LMLN: variants seen among roughly 807,000 people sequenced by gnomAD.
LMLN encodes the protein leishmanolysin like peptidase, also known as leishmanolysin-like peptidase.
LMLN carries 70 observed loss-of-function variants against 92.3 expected under a neutral mutation model. The observed-to-expected ratio is 0.76, with a 90% confidence interval of 0.63 to 0.92. LMLN has a LOEUF of 0.92. Ranked by LOEUF, LMLN falls within the 40% of genes least tolerant of loss-of-function variation. LMLN has a pLI of 0.00. For synonymous variants in LMLN, 308 were observed against 296.2 expected (o/e 1.04, Z -0.41); for missense variants, 691 against 814.6 (o/e 0.85, Z 1.85).
chr3:197,961,781 TGGG>T (rs1381322126), intron 1 of LMLN, among the ~76,000 whole-genome samples: 1 of 152,166 alleles, frequency 6.6e-6, no homozygotes, highest in Non-Finnish European at 1.5e-5. Flanking sequence ...TTGGTGGTGT[TGGG>T]GAGCTACAAA....
At chr3:198,000,423 TA>T (rs1406896354) in intron 11 of LMLN, among the ~76,000 whole-genome samples, 7 of 152,292 alleles carry the variant, frequency 4.6e-5, no homozygotes, top group African/African-American at 1.7e-4. Context: ...TTTAAACATA[TA>T]GAGGTTATTC....
chr3:197,960,217 A>G (rs781195872), exon 1 of LMLN: 1 of 1,597,018 alleles, frequency 6.3e-7, no homozygotes, highest in Non-Finnish European at 8.6e-7. Context: ...GGCGTCACGC[A>G]CTCCATGGTA....
chr3:198,002,948 A>C (rs567057763), intron 11 of LMLN, 67 bp from the exon 12 acceptor site: 1 of 866,368 alleles, frequency 1.2e-6, no homozygotes, highest in East Asian at 2.7e-5. Flanking sequence ...GAGATTCTCA[A>C]TTGTTATGCT....
At chr3:198,020,567 G>T (rs1722748775) in intron 12 of LMLN, among the ~76,000 whole-genome samples, 2 of 151,954 alleles carry the variant, frequency 1.3e-5, no homozygotes, top group Non-Finnish European at 2.9e-5. Context: ...GCATCCAGGG[G>T]TGTGAAAACA....
intron 1 of LMLN, among the ~76,000 whole-genome samples, chr3:197,967,986 T>G (rs1721106649): frequency 6.6e-6 from 1 of 152,238 alleles, no homozygotes; most frequent in African/African-American, 2.4e-5. Flanking sequence ...TGTCTTCCCT[T>G]GTTCCCTAAA....
At chr3:198,008,114 G>A (rs1308712279) in intron 11 of LMLN, among the ~76,000 whole-genome samples, 1 of 152,056 alleles carries the variant, frequency 6.6e-6, no homozygotes, top group Non-Finnish European at 1.5e-5. Context: ...ATTTCTGTAT[G>A]TTGCTGAATT....
At chr3:198,015,153 C>T (rs1722592372) in intron 11 of LMLN, among the ~76,000 whole-genome samples, 1 of 144,190 alleles carries the variant, frequency 6.9e-6, no homozygotes, top group Non-Finnish European at 1.5e-5. Context: ...CCTAACTAGT[C>T]TGACTTCTCT....
exon 13 of LMLN, chr3:198,021,545 T>G (rs771356686): frequency 2.5e-6 from 4 of 1,614,040 alleles, no homozygotes. Flanking sequence ...GGAATTCAGT[T>G]GGCATTTAAG....
intron 15 of LMLN, 120 bp from the exon 17 acceptor site, chr3:198,038,447 C>T (rs1723295883): frequency 2.8e-6 from 2 of 721,166 alleles, no homozygotes; most frequent in Admixed American, 4.7e-5. Context: ...CTTGATTTAG[C>T]TCTCAAGGTG....
At position 197,999,340 on chromosome 3, in the gene LMLN, TGG is replaced by T; in HGVS notation, c.1232_1232+1del. 1.9e-6 allele frequency: 3 copies of T among 1,597,350 alleles called. No homozygotes were observed. The highest frequency in any genetic ancestry group is 2.6e-6 in the Non-Finnish European group (3 of 1,164,780). ...TCACTCTGGCATTAATGGAGGACAC[TGG>T]GTAAGACAGCTGTGACAAGAGGATA... On this transcript the variant is annotated frameshift_variant and splice_region_variant, in exon 11 of 16. Coordinates refer to ENST00000330198, the Ensembl canonical transcript of LMLN. LOFTEE classifies it high-confidence loss of function.
At chr3:197,994,930 A>G (rs375702311) in intron 9 of LMLN, among the ~76,000 whole-genome samples, 4 of 152,230 alleles carry the variant, frequency 2.6e-5, no homozygotes, top group African/African-American at 4.8e-5. Context: ...GCTATTTACA[A>G]CAGCCACATT....
At chr3:198,014,984 G>C (rs13100666) in intron 11 of LMLN, among the ~76,000 whole-genome samples, 191 of 53,654 alleles carry the variant, frequency 3.6e-3, no homozygotes, top group African/African-American at 6.7e-3. Context: ...TCTCTCCACC[G>C]TTCAGAGCCC....
chr3:198,039,797 C>T (rs1185807350), exon 16 of LMLN: 4 of 152,156 alleles, frequency 2.6e-5, no homozygotes, highest in Non-Finnish European at 4.4e-5. Flanking sequence ...CCTCAGAGCC[C>T]AGCTTCCAGA....
At chr3:198,041,784 A>G (rs1227198506) in exon 16 of LMLN, 1 of 152,228 alleles carries the variant, frequency 6.6e-6, no homozygotes, top group Non-Finnish European at 1.5e-5. Flanking sequence ...AATTTTACCA[A>G]AAATACAATG....
rs760814018 is a variant in LMLN at position 198,031,655 on chromosome 3, A to G, written c.1657-4178A>G. On this transcript the variant is annotated intron_variant, in intron 14 of 15. Coordinates refer to ENST00000330198, the Ensembl canonical transcript of LMLN. This position sits in a 1 kb window ranked among gnomAD's most constrained non-coding sequence, Gnocchi z 4.8. ...ACTGTCAGTGTCATTCTGAGTTTCA[A>G]TTGCCAGAATCTTTTTTCTTTCTTC... Among the ~76,000 whole-genome samples, 18 of 152,162 alleles carry G rather than the reference A, an allele frequency of 1.2e-4. No homozygotes were observed. Among genetic ancestry groups the G allele is most frequent in the Admixed American group, 3.3e-4 (5 of 15,278 alleles).
At chr3:198,006,012 G>A (rs1283498374) in intron 11 of LMLN, among the ~76,000 whole-genome samples, 4 of 152,122 alleles carry the variant, frequency 2.6e-5, no homozygotes, top group Non-Finnish European at 5.9e-5. Context: ...AGCTACTCAG[G>A]AGGCTGAGGC....
chr3:197,982,917 T>C (rs1721599116), intron 6 of LMLN, among the ~76,000 whole-genome samples: 1 of 152,190 alleles, frequency 6.6e-6, no homozygotes, highest in Non-Finnish European at 1.5e-5. Context: ...CATGTACACC[T>C]GTTGCTTCAG....
At position 198,031,580 on chromosome 3, in the gene LMLN, G is replaced by A. The variant is rs913562293; in HGVS notation, c.1657-4253G>A. Among the ~76,000 whole-genome samples the A allele has an allele frequency of 2.0e-5, 3 of 152,168 alleles. No homozygotes were observed. The highest frequency in any genetic ancestry group is 1.3e-4 in the Admixed American group (2 of 15,274). ...TGATTGGGTGCAGGAAAAAAAGAAA[G>A]AAAATTATTTTCCATCAGAATTCTG... is the stretch of plus-strand genomic sequence containing the variant. On this transcript the variant is annotated intron_variant, in intron 14 of 15. Coordinates refer to ENST00000330198, the Ensembl canonical transcript of LMLN. The surrounding 1 kb of genome is among the most constrained non-coding windows in gnomAD (Gnocchi z 4.8).
chr3:198,020,110 C>T (rs1270680914), intron 12 of LMLN, among the ~76,000 whole-genome samples: 1 of 152,186 alleles, frequency 6.6e-6, no homozygotes, highest in Admixed American at 6.5e-5. Context: ...ATCCATCTGC[C>T]TCGGCCTCCC....
Sources: allele counts gnomAD v4.1 joint callset (sites outside exome capture counted in the v4.1 genomes callset), GRCh38; gene constraint gnomAD v4.1.1; non-coding constraint Gnocchi (gnomAD v3.1); transcripts MANE v1.5; gene names NCBI Gene and HGNC (gene_info 2026-07-23, HGNC 2026-07-21).